RNF213: variants seen among roughly 807,000 people sequenced by gnomAD.
The protein encoded by RNF213 is E3 ubiquitin-protein ligase RNF213.
Under a neutral mutation model 514.4 loss-of-function variants are expected in RNF213, and 341 were observed. The ratio of observed to expected loss-of-function variants is 0.66; its 90% CI spans 0.61 to 0.73. RNF213 has a LOEUF of 0.73. Ranked by LOEUF, RNF213 falls within the 30% of genes least tolerant of loss-of-function variation. RNF213 has a pLI of 0.00. For missense variants in RNF213, 5,767 were observed against 6,615.6 expected (o/e 0.87, Z 4.45); for synonymous variants, 2,655 against 2,658.2 (o/e 1.00, Z 0.04).
At position 80,269,805 on chromosome 17, in the gene RNF213, C is replaced by A. The variant is rs540697153; in HGVS notation, c.98-3436C>A. 9.2e-5 allele frequency among the ~76,000 whole-genome samples: 14 copies of A among 152,328 alleles called. No homozygotes were observed. In the South Asian group the frequency reaches 2.7e-3, roughly 29 times the overall value. On this transcript the variant is annotated intron_variant, in intron 2 of 67. Coordinates refer to ENST00000582970, the MANE Select transcript of RNF213 (RefSeq NM_001256071.3). ...ATCTACCTATCTACCTGTCTACCTA[C>A]CTACCTACATATTCTATAGTTCTGC...
At chr17:80,313,794 GTGA>G (rs2045684351) in intron 15 of RNF213, among the ~76,000 whole-genome samples, 2 of 141,560 alleles carry the variant, frequency 1.4e-5, no homozygotes, top group South Asian at 2.2e-4. Context: ...GGTGGTGAAG[GTGA>G]TGGTGGAGGT....
At chr17:80,286,409 G>C (rs149475943) in intron 3 of RNF213, among the ~76,000 whole-genome samples, 2 of 152,202 alleles carry the variant, frequency 1.3e-5, no homozygotes, top group Admixed American at 6.5e-5. Context: ...ATGTGTGATA[G>C]AGAAGGGGTT....
intron 3 of RNF213, among the ~76,000 whole-genome samples, chr17:80,277,085 CAAAA>C (rs574144994): frequency 1.3e-5 from 2 of 150,450 alleles, no homozygotes; most frequent in Admixed American, 6.6e-5. Flanking sequence ...AAAAAAAAAA[CAAAA>C]AAAGAATACG....
intron 17 of RNF213, among the ~76,000 whole-genome samples, chr17:80,323,325 C>T (rs970316703): frequency 3.3e-5 from 5 of 152,146 alleles, no homozygotes. Flanking sequence ...TGTGTGAGTC[C>T]TCCTACTTTG....
intron 55 of RNF213, 89 bp from the exon 56 acceptor site, chr17:80,380,742 C>T: frequency 6.9e-7 from 1 of 1,451,928 alleles, no homozygotes; most frequent in Non-Finnish European, 9.6e-7. Context: ...CTCTTCTCAG[C>T]CGTAAGCCTC....
At chr17:80,324,948 G>C (rs1235779650) in intron 17 of RNF213, 82 bp from the exon 18 acceptor site, 1 of 1,290,534 alleles carries the variant, frequency 7.7e-7, no homozygotes, top group Admixed American at 2.0e-5. Flanking sequence ...AAATGCTATC[G>C]AGTAGGTAAT....
intron 11 of RNF213, among the ~76,000 whole-genome samples, chr17:80,303,680 CA>C (rs2045261270): frequency 6.6e-6 from 1 of 151,250 alleles, no homozygotes; most frequent in East Asian, 1.9e-4. Flanking sequence ...TCTTGTGCCT[CA>C]GCCTCCCAAG....
chr17:80,314,275 T>C (rs2045744849), intron 15 of RNF213, among the ~76,000 whole-genome samples: 1 of 105,288 alleles, frequency 9.5e-6, no homozygotes, highest in Admixed American at 9.3e-5. Context: ...AAGGTGATGG[T>C]GGAGGTACTG....
chr17:80,367,693 T>A lies in RNF213; in HGVS notation c.11872-55T>A, dbSNP rs1355251289. On this transcript the variant is annotated intron_variant, in intron 42 of 67. Transcript: ENST00000582970. ...GTGGTGCTCCCTCTGTCGCCCGGCC[T>A]GGCCGCCCTCAGCCCTCCCCCCTGC... The A allele has an allele frequency of 8.9e-6, 13 of 1,462,892 alleles. No individual in the cohort carries two copies. The East Asian group carries it at 2.5e-4, about 28-fold the overall frequency. 90.6% of individuals were successfully genotyped at this position (1,462,892 alleles called of 1,614,324 possible). A position where few individuals can be genotyped will look rare whatever the true frequency, so the allele number is the denominator to read the frequency against.
At chr17:80,298,564 A>T (rs888954979) in intron 11 of RNF213, 46 bp downstream of exon 11, 48 of 1,608,422 alleles carry the variant, frequency 3.0e-5, no homozygotes, top group Non-Finnish European at 4.0e-5. Flanking sequence ...GGGAAGACTG[A>T]CTCCTACATT....
intron 3 of RNF213, among the ~76,000 whole-genome samples, chr17:80,284,550 A>AG (rs1028286958): frequency 5.3e-5 from 8 of 151,782 alleles, no homozygotes; most frequent in Non-Finnish European, 1.5e-5. Flanking sequence ...TCTCAAAAAA[A>AG]GAAAAAAAAA....
chr17:80,365,682 T>G (rs373456428), intron 42 of RNF213, among the ~76,000 whole-genome samples: 3 of 152,176 alleles, frequency 2.0e-5, no homozygotes, highest in Non-Finnish European at 2.9e-5. Context: ...CTTGAGTTCT[T>G]CTGCTGAAGG....
intron 3 of RNF213, among the ~76,000 whole-genome samples, chr17:80,277,862 A>C (rs1038810820): frequency 1.3e-5 from 2 of 152,194 alleles, no homozygotes; most frequent in Non-Finnish European, 2.9e-5. Context: ...CCAGAAGCTG[A>C]GACAGCGAGC....
rs751229352 is a variant in RNF213, at chr17:80,371,719, G to T, written c.12426-155G>T. 5.1e-6 allele frequency: 3 copies of T among 590,464 alleles called. No homozygotes were observed. In the African/African-American group the frequency reaches 5.6e-5, roughly 11 times the overall value. 36.6% of individuals were successfully genotyped at this position (590,464 alleles called of 1,614,324 possible). A position where few individuals can be genotyped will look rare whatever the true frequency, so the allele number is the denominator to read the frequency against. On this transcript the variant is annotated intron_variant, in intron 46 of 67. Coordinates refer to ENST00000582970, the MANE Select transcript of RNF213 (RefSeq NM_001256071.3). ...ATATTCCTCCAGTATTATGCTAAAA[G>T]GTTTTCCATAAAATCTTAGAAACCA...
At chr17:80,365,814 G>A (rs1252648418) in intron 42 of RNF213, among the ~76,000 whole-genome samples, 1 of 152,206 alleles carries the variant, frequency 6.6e-6, no homozygotes, top group Non-Finnish European at 1.5e-5. Flanking sequence ...GAGATGCACA[G>A]GGCTTTCAGC....
intron 29 of RNF213, among the ~76,000 whole-genome samples, chr17:80,349,428 A>T (rs2078424728): frequency 6.6e-6 from 1 of 152,160 alleles, no homozygotes; most frequent in African/African-American, 2.4e-5. Flanking sequence ...TGAAAGCATG[A>T]GTCGTACTAT....
At chr17:80,312,093 A>G (rs2045591481) in intron 14 of RNF213, among the ~76,000 whole-genome samples, 1 of 151,874 alleles carries the variant, frequency 6.6e-6, no homozygotes, top group Non-Finnish European at 1.5e-5. Flanking sequence ...GCGCCACTGT[A>G]CTCCAGCCTG....
chr17:80,361,972 C>A, intron 39 of RNF213, 84 bp downstream of exon 39: 1 of 1,464,640 alleles, frequency 6.8e-7, no homozygotes, highest in Non-Finnish European at 9.5e-7. Flanking sequence ...GTTTCCTCAG[C>A]TGCCTGGAGC....
chr17:80,336,712 T>A (rs1599049644), intron 23 of RNF213: 1 of 354,672 alleles, frequency 2.8e-6, no homozygotes, highest in Admixed American at 3.9e-5. Context: ...TTATTTTCTA[T>A]AATTGATAGA....
Sources: allele counts gnomAD v4.1 joint callset (sites outside exome capture counted in the v4.1 genomes callset), GRCh38; gene constraint gnomAD v4.1.1; transcripts MANE v1.5; gene names NCBI Gene and HGNC (gene_info 2026-07-23, HGNC 2026-07-21).